KANSL3: variants seen among roughly 807,000 people sequenced by gnomAD.
The protein encoded by KANSL3 is KAT8 regulatory NSL complex subunit 3, also known as NSL complex protein NSL3.
KANSL3 carries 16 observed loss-of-function variants against 89.2 expected under a neutral mutation model. The observed-to-expected ratio is 0.18, with a 90% confidence interval of 0.12 to 0.27. The LOEUF is 0.27. Among genes scored for constraint, KANSL3 ranks in the 10% least tolerant of loss-of-function variants. The pLI, the probability that KANSL3 is intolerant of heterozygous loss-of-function variation, is 1.00. For missense variants in KANSL3, 879 were observed against 1,110.6 expected, an observed-to-expected ratio of 0.79 and a Z score of 2.96; for synonymous variants, 385 against 419.7, an observed-to-expected ratio of 0.92 and a Z score of 1.01.
intron 20 of KANSL3, 58 bp downstream of exon 20, chr2:96,601,585 T>G (rs1298876991): frequency 6.3e-7 from 1 of 1,578,618 alleles, no homozygotes; most frequent in African/African-American, 1.4e-5. Flanking sequence ...GCCAGTCAGC[T>G]GGTCTTAAAC....
At chr2:96,588,733 G>A (rs2066256801), downstream of KANSL3, among the ~76,000 whole-genome samples, 1 of 151,998 alleles carries the variant, frequency 6.6e-6, no homozygotes, top group South Asian at 2.1e-4. Context: ...TGGGATTACA[G>A]GCGCCCACCA....
intron 3 of KANSL3, among the ~76,000 whole-genome samples, chr2:96,622,024 G>C (rs1049270171): frequency 6.6e-6 from 1 of 151,854 alleles, no homozygotes; most frequent in African/African-American, 2.4e-5. Context: ...CGAGGCAAAA[G>C]AATTGCTTGA....
At chr2:96,631,659 T>C (rs768923807) in intron 2 of KANSL3, 177 bp from the exon 3 acceptor site, 2 of 734,644 alleles carry the variant, frequency 2.7e-6, no homozygotes. Flanking sequence ...TCTAGATCTC[T>C]GCCCTCTCAG....
chr2:96,620,116 T>G (rs904856514), intron 3 of KANSL3, among the ~76,000 whole-genome samples: 4 of 152,156 alleles, frequency 2.6e-5, no homozygotes, highest in Non-Finnish European at 1.5e-5. Flanking sequence ...ACAGCACCAC[T>G]GAACAGACGA....
intron 18 of KANSL3, 67 bp from the exon 19 acceptor site, chr2:96,602,405 C>A: frequency 8.5e-7 from 1 of 1,178,094 alleles, no homozygotes; most frequent in East Asian, 2.5e-5. Context: ...GCTTGGAGGG[C>A]CCACAGCATA....
intron 4 of KANSL3, 39 bp from the exon 5 acceptor site, chr2:96,619,583 A>C: frequency 6.2e-7 from 1 of 1,610,020 alleles, no homozygotes; most frequent in Non-Finnish European, 8.5e-7. Context: ...CATGAGGACT[A>C]CCTGGTTAAC....
At chr2:96,600,915 C>T (rs1484358934) in intron 20 of KANSL3, 18 of 984,772 alleles carry the variant, frequency 1.8e-5, no homozygotes, top group African/African-American at 8.7e-5. Flanking sequence ...GGGGCCGAGG[C>T]GGGAGGACCA....
In KANSL3 at chr2:96,593,533, A is replaced by G. The variant is rs1558636200; in HGVS notation, c.*2078T>C. ...CTAGGCCTCAGCCACTTCCTCTGTT[A>G]CCCTGTGCAAGTTGTAGAACAATCC... On this transcript the variant is annotated 3_prime_UTR_variant, in exon 21 of 21. Transcript: ENST00000431828. 3 of 349,838 alleles carry G rather than the reference A, an allele frequency of 8.6e-6. No individual in the cohort carries two copies. Among genetic ancestry groups the G allele is most frequent in the Non-Finnish European group, 1.7e-5 (3 of 177,308 alleles). 21.7% of individuals were successfully genotyped at this position (349,838 alleles called of 1,614,324 possible). A position where few individuals can be genotyped will look rare whatever the true frequency, so the allele number is the denominator to read the frequency against.
intron 2 of KANSL3, chr2:96,636,655 TC>T (rs2074287769): frequency 5.1e-6 from 2 of 388,680 alleles, no homozygotes; most frequent in Non-Finnish European, 9.2e-6. Context: ...TCTACGATTT[TC>T]CCCTTTCCAC....
intron 3 of KANSL3, among the ~76,000 whole-genome samples, chr2:96,626,542 C>G (rs1013389152): frequency 1.3e-5 from 2 of 152,134 alleles, no homozygotes; most frequent in African/African-American, 4.8e-5. Flanking sequence ...GATAAGAAAG[C>G]CTGCTTTTGG....
rs1474049050 is a variant in KANSL3, at chr2:96,612,467, G to C, written c.1009C>G (p.Leu337Val). The change falls in exon 8 of 21, where the codon CTG becomes GTG. Residue 337 changes from leucine (L) to valine (V), a missense_variant. Physicochemically the swap from Leu to Val is conservative, Grantham distance 32. This residue lies in a region of KANSL3 where 198 missense variants were observed against 260.3 expected (regional missense o/e 0.76). Coordinates refer to ENST00000431828, the MANE Select transcript of KANSL3 (RefSeq NM_001115016.3). ...TGAAATACGGGCATTCTCACCTCCA[G>C]CACTTTGCTTCTCACTGCCCCAATC... ...HMIGAVRSKV[L>V]EIHSHFPHKP... 6.2e-7 allele frequency: 1 copy of C among 1,613,296 alleles called. No individual in the cohort carries two copies. The highest frequency in any genetic ancestry group is 8.5e-7 in the Non-Finnish European group (1 of 1,179,394).
At chr2:96,581,475 G>C in the KANSL3 span, among the ~76,000 whole-genome samples, 1 of 151,296 alleles carries the variant, frequency 6.6e-6, no homozygotes, top group Admixed American at 6.6e-5. Context: ...GGTGGTTACT[G>C]GTATATTAGC....
the KANSL3 span, among the ~76,000 whole-genome samples, chr2:96,586,930 A>G: frequency 3.3e-5 from 5 of 152,306 alleles, no homozygotes; most frequent in African/African-American, 9.6e-5. Context: ...TATATTTTCT[A>G]TAACTAGTAT....
chr2:96,612,199 C>G (rs1425077503), intron 9 of KANSL3, 83 bp downstream of exon 9: 1 of 947,558 alleles, frequency 1.1e-6, no homozygotes, highest in African/African-American at 1.6e-5. Context: ...CAGAGCCTGA[C>G]ACACAGTAAA....
chr2:96,615,458 T>A, intron 5 of KANSL3: 1 of 1,186,500 alleles, frequency 8.4e-7, no homozygotes, highest in East Asian at 5.7e-5. Context: ...ATTACAGATG[T>A]GCAAATATAG....
chr2:96,617,195 A>C (rs1407821160), intron 5 of KANSL3, among the ~76,000 whole-genome samples: 2 of 152,134 alleles, frequency 1.3e-5, no homozygotes. Context: ...AGTACAGGGG[A>C]AAGTCTGGGA....
chr2:96,609,460 C>T lies in KANSL3; in HGVS notation c.1383+39G>A, dbSNP rs1282810141. ...CCAAACCTAAAAGGCTACAGAAAGG[C>T]AAGCCTAGCTGAGAAAAGCACACAA... On this transcript the variant is annotated intron_variant, in intron 12 of 20. Transcript: ENST00000431828. 7 of 1,596,244 alleles carry T rather than the reference C, an allele frequency of 4.4e-6. No individual in the cohort carries two copies. In the South Asian group the frequency reaches 7.7e-5, roughly 18 times the overall value.
At position 96,619,537 on chromosome 2, in the gene KANSL3, T is replaced by C. The variant is rs772544493; in HGVS notation, c.485A>G (p.Asn162Ser). ...LARLANEGACNEPVLRRVAVD... is the reference protein window; with the variant it reads ...LARLANEGACSEPVLRRVAVD... ...AGCAACACGGCGCAGCACTGGCTCA[T>C]TACAAGCCTGAAGGATGTAAGTGGA... The change falls in exon 5 of 21, where the codon AAT becomes AGT. Residue 162 changes from asparagine to serine, a missense_variant. This residue lies in a region of KANSL3 where 210 missense variants were observed against 311.9 expected (regional missense o/e 0.67). Transcript: ENST00000431828. 8 of 1,613,422 alleles carry C rather than the reference T, an allele frequency of 5.0e-6. No individual in the cohort carries two copies. In the South Asian group the frequency reaches 5.5e-5, roughly 11 times the overall value.
At chr2:96,616,901 G>A (rs1184425740) in intron 5 of KANSL3, among the ~76,000 whole-genome samples, 1 of 152,156 alleles carries the variant, frequency 6.6e-6, no homozygotes, top group Non-Finnish European at 1.5e-5. Context: ...CTTAAATAGG[G>A]CAGCAGTACA....
Sources: gnomAD v4.1 joint callset for allele counts (sites outside exome capture counted in the v4.1 genomes callset) on GRCh38, gnomAD v4.1.1 for gene constraint, gnomAD v4.1.1 regional missense constraint, MANE v1.5 for transcripts, NCBI Gene and HGNC (gene_info 2026-07-23, HGNC 2026-07-21) for gene names.